Variants in DIXDC1 observed in about 807,000 individuals in gnomAD.
DIXDC1 encodes dixin.
Under a neutral mutation model 103.1 loss-of-function variants are expected in DIXDC1, and 64 were observed. The ratio of observed to expected loss-of-function variants is 0.62; its 90% CI spans 0.51 to 0.76. DIXDC1 has a LOEUF of 0.76. Ranked by LOEUF, DIXDC1 falls within the 30% of genes least tolerant of loss-of-function variation. The probability of loss-of-function intolerance (pLI) is 0.00; values close to 1 mark genes in which losing one functional copy is unlikely to be tolerated. For missense variants in DIXDC1, 759 were observed against 834.2 expected, an observed-to-expected ratio of 0.91 and a Z score of 1.11; for synonymous variants, 266 against 298.5, an observed-to-expected ratio of 0.89 and a Z score of 1.12.
intron 1 of DIXDC1, among the ~76,000 whole-genome samples, chr11:111,962,388 G>A (rs922897539): frequency 6.6e-6 from 1 of 151,946 alleles, no homozygotes; most frequent in African/African-American, 2.4e-5. Flanking sequence ...AGGCTGAGAC[G>A]AGAGAATTGC....
At chr11:111,980,370 C>T (rs2137547836) in intron 5 of DIXDC1, among the ~76,000 whole-genome samples, 1 of 152,246 alleles carries the variant, frequency 6.6e-6, no homozygotes, top group African/African-American at 2.4e-5. Flanking sequence ...AGTCTTTGAA[C>T]GTGGGCCCAG....
chr11:111,987,066 T>C (rs1860517145), intron 9 of DIXDC1, 142 bp downstream of exon 9: 2 of 534,984 alleles, frequency 3.7e-6, no homozygotes, highest in South Asian at 2.2e-5. Flanking sequence ...CTGGCTAACA[T>C]GGTGAAACCC....
Position 111,996,138 on chromosome 11 carries a change from C to G in DIXDC1, c.1748C>G (p.Pro583Arg). 6.2e-7 allele frequency: 1 copy of G among 1,613,500 alleles called. No homozygotes were observed. Among genetic ancestry groups the G allele is most frequent in the South Asian group, 1.1e-5 (1 of 90,998 alleles). Residue 583 changes from proline (P) to arginine (R), a missense_variant, in exon 17 of 20, where the codon CCT becomes CGT. Physicochemically the swap from Pro to Arg is moderately radical, Grantham distance 103. This residue lies in a region of DIXDC1 where 657 missense variants were observed against 727.5 expected (regional missense o/e 0.90). Transcript: ENST00000440460. ...VGSEYRESWP[P>R]NSKLPHSQSS... ...AGTGAATACCGGGAGTCCTGGCCCC[C>G]TAACTCAAGTAAGTACCCATTTTTG...
chr11:112,007,657 A>G (rs1451726171), intron 17 of DIXDC1, among the ~76,000 whole-genome samples: 4 of 152,252 alleles, frequency 2.6e-5, no homozygotes, highest in Non-Finnish European at 5.9e-5. Flanking sequence ...AATATTCAAC[A>G]TTCTTAAAGA....
At chr11:112,004,406 A>G (rs1404164309) in intron 17 of DIXDC1, among the ~76,000 whole-genome samples, 2 of 152,118 alleles carry the variant, frequency 1.3e-5, no homozygotes, top group African/African-American at 2.4e-5. Flanking sequence ...GCTCTAGGCA[A>G]AGGTGAAGAC....
intron 17 of DIXDC1, 29 bp downstream of exon 17, chr11:111,996,175 C>T: frequency 6.3e-7 from 1 of 1,590,866 alleles, no homozygotes; most frequent in Non-Finnish European, 8.6e-7. Context: ...TCAGTAGGGA[C>T]TCCTAGCATA....
At position 112,017,431 on chromosome 11, in the gene DIXDC1, T is replaced by C. The variant is rs1474900322; in HGVS notation, c.1863-346T>C. On this transcript the variant is annotated intron_variant, in intron 18 of 19. Coordinates refer to ENST00000440460, the MANE Select transcript of DIXDC1 (RefSeq NM_001037954.4). This position sits in a 1 kb window ranked among gnomAD's most constrained non-coding sequence, Gnocchi z 4.0. Reference sequence around the variant, plus strand: ...ACCATCCTAGAGAATTGGGATATTGTAGCAAAGAAGAAAATCAAGAGAACT... The same window carrying C: ...ACCATCCTAGAGAATTGGGATATTGCAGCAAAGAAGAAAATCAAGAGAACT... 2 of 178,094 alleles carry C rather than the reference T, an allele frequency of 1.1e-5. No homozygotes were observed. Among genetic ancestry groups the C allele is most frequent in the African/African-American group, 2.4e-5 (1 of 41,968 alleles). 11.0% of individuals were successfully genotyped at this position (178,094 alleles called of 1,614,324 possible). A position where few individuals can be genotyped will look rare whatever the true frequency, so the allele number is the denominator to read the frequency against.
At chr11:111,959,030 G>A (rs782382789) in intron 1 of DIXDC1, among the ~76,000 whole-genome samples, 2 of 152,296 alleles carry the variant, frequency 1.3e-5, no homozygotes, top group Admixed American at 6.5e-5. Context: ...CCCACTGCAC[G>A]TCTCCTCTGA....
chr11:111,959,949 G>T (rs587627041), intron 1 of DIXDC1, among the ~76,000 whole-genome samples: 1 of 151,880 alleles, frequency 6.6e-6, no homozygotes, highest in African/African-American at 2.4e-5. Context: ...TCATTCTGTC[G>T]CCCAGGCTGG....
chr11:112,002,941 A>G (rs192698875), intron 17 of DIXDC1, among the ~76,000 whole-genome samples: 2 of 152,316 alleles, frequency 1.3e-5, no homozygotes, highest in East Asian at 3.9e-4. Flanking sequence ...TTGCAGCAAC[A>G]TGGATGGAGC....
chr11:111,970,481 C>T (rs1859882235), intron 3 of DIXDC1, among the ~76,000 whole-genome samples: 1 of 151,828 alleles, frequency 6.6e-6, no homozygotes, highest in African/African-American at 2.4e-5. Flanking sequence ...TACATCTAAC[C>T]AAAGAGGTAA....
At chr11:111,997,141 A>G (rs893414655) in intron 17 of DIXDC1, among the ~76,000 whole-genome samples, 1 of 152,236 alleles carries the variant, frequency 6.6e-6, no homozygotes, top group Non-Finnish European at 1.5e-5. Flanking sequence ...AAAGCTGACT[A>G]GAAACAGTTT....
At chr11:111,946,178 G>A (rs1966589413) in intron 1 of DIXDC1, among the ~76,000 whole-genome samples, 1 of 149,608 alleles carries the variant, frequency 6.7e-6, no homozygotes, top group African/African-American at 2.5e-5. Flanking sequence ...GTGCGATCTC[G>A]GCTCACTGCA....
chr11:111,989,374 C>T (rs587713760), intron 10 of DIXDC1, among the ~76,000 whole-genome samples: 1 of 152,218 alleles, frequency 6.6e-6, no homozygotes, highest in East Asian at 1.9e-4. Flanking sequence ...CCTGTAATCC[C>T]AGCACTTTGG....
At chr11:111,965,045 G>T (rs587617740) in intron 2 of DIXDC1, among the ~76,000 whole-genome samples, 1 of 152,102 alleles carries the variant, frequency 6.6e-6, no homozygotes, top group Admixed American at 6.6e-5. Context: ...AGGGGCTCAG[G>T]GATTGGCTTA....
intron 17 of DIXDC1, among the ~76,000 whole-genome samples, chr11:112,008,822 T>C (rs1171576019): frequency 5.3e-5 from 8 of 152,146 alleles, no homozygotes; most frequent in African/African-American, 1.9e-4. Context: ...TAGAGGGAAA[T>C]TTTTAGCACT....
chr11:111,970,948 G>A (rs1859902286), intron 3 of DIXDC1, among the ~76,000 whole-genome samples: 1 of 152,124 alleles, frequency 6.6e-6, no homozygotes, highest in African/African-American at 2.4e-5. Flanking sequence ...CTAGATCCCT[G>A]TCTATCACCT....
At chr11:111,970,659 C>A (rs1371295251) in intron 3 of DIXDC1, among the ~76,000 whole-genome samples, 2 of 142,182 alleles carry the variant, frequency 1.4e-5, no homozygotes, top group Non-Finnish European at 3.1e-5. Context: ...GAAACTCTAT[C>A]TCAAAAAAAA....
At chr11:111,959,979 G>A (rs1859517400) in intron 1 of DIXDC1, among the ~76,000 whole-genome samples, 3 of 152,064 alleles carry the variant, frequency 2.0e-5, no homozygotes, top group South Asian at 2.1e-4. Context: ...GCGCAATCTC[G>A]ACTCACTGCA....
Sources: allele counts gnomAD v4.1 joint callset (sites outside exome capture counted in the v4.1 genomes callset), GRCh38; gene constraint gnomAD v4.1.1; regional missense constraint gnomAD v4.1.1; non-coding constraint Gnocchi (gnomAD v3.1); transcripts MANE v1.5; gene names NCBI Gene and HGNC (gene_info 2026-07-23, HGNC 2026-07-21).